Variants in ADK observed in about 807,000 individuals in gnomAD.
ADK encodes the protein N6,N6-dimethyladenosine kinase.
ADK carries 24 observed loss-of-function variants against 44.7 expected under a neutral mutation model. That is an observed-to-expected ratio of 0.54 (90% confidence interval 0.39 to 0.76). The LOEUF (loss-of-function observed/expected upper bound fraction) is 0.76. Ranked by LOEUF, ADK falls within the 30% of genes least tolerant of loss-of-function variation. The pLI is 0.00. For missense variants in ADK, 321 were observed against 425.1 expected (o/e 0.76, Z 2.15); for synonymous variants, 128 against 142.6 (o/e 0.90, Z 0.73).
chr10:74,265,433 C>A (rs530875051), intron 3 of ADK, among the ~76,000 whole-genome samples: 6 of 152,086 alleles, frequency 3.9e-5, no homozygotes, highest in Non-Finnish European at 7.4e-5. Context: ...CCAAGATGGT[C>A]TCAATCTCCT....
At chr10:74,686,778 G>T (rs1459933812) in intron 10 of ADK, among the ~76,000 whole-genome samples, 1 of 152,112 alleles carries the variant, frequency 6.6e-6, no homozygotes, top group East Asian at 1.9e-4. Context: ...TCGGGTTCAA[G>T]CGATTACCCT....
rs1470575096 is a variant in ADK, at chr10:74,200,780, G to T, written c.82G>T (p.Gly28Ter). The part of the protein sequence containing the change: ...PQALRENILF[G>*]MGNPLLDISA... ...TTTTTTTAGAGAAAATATTCTCTTTGGAATGGGAAATCCTCTGCTTGACAT... is the reference window on the plus strand; with the variant it reads ...TTTTTTTAGAGAAAATATTCTCTTTTGAATGGGAAATCCTCTGCTTGACAT... The change falls in exon 2 of 11, where the codon GGA (glycine) becomes TGA (stop). Residue 28 changes from glycine (G) to a stop codon, truncating the protein, a stop_gained. Transcript: ENST00000539909. LOFTEE classifies it high-confidence loss of function. The T allele has an allele frequency of 6.2e-7, 1 of 1,610,506 alleles. No individual in the cohort carries two copies. The highest frequency in any genetic ancestry group is 2.2e-5 in the East Asian group (1 of 44,758).
At chr10:74,507,441 C>T (rs530385138) in intron 6 of ADK, among the ~76,000 whole-genome samples, 1 of 152,032 alleles carries the variant, frequency 6.6e-6, no homozygotes, top group African/African-American at 2.4e-5. Flanking sequence ...GGTAAAACCC[C>T]ATCTCTACAA....
intron 9 of ADK, among the ~76,000 whole-genome samples, chr10:74,619,010 CTT>C (rs1491412660): frequency 1.4e-4 from 15 of 108,932 alleles, no homozygotes; most frequent in African/African-American, 3.5e-4. Context: ...CTTTTATGCT[CTT>C]TGTGTGTGTG....
At chr10:74,406,498 C>A in intron 6 of ADK, among the ~76,000 whole-genome samples, 1 of 136,166 alleles carries the variant, frequency 7.3e-6, no homozygotes, top group East Asian at 2.1e-4. Flanking sequence ...CTTTGGGACT[C>A]CGATTAAAAT....
intron 3 of ADK, among the ~76,000 whole-genome samples, chr10:74,285,097 C>T (rs1347719415): frequency 1.3e-5 from 2 of 151,862 alleles, no homozygotes; most frequent in African/African-American, 4.8e-5. Context: ...TACAGATGAG[C>T]AGCCATTCTC....
intron 7 of ADK, among the ~76,000 whole-genome samples, chr10:74,580,304 G>A (rs946415327): frequency 8.5e-5 from 13 of 152,164 alleles, no homozygotes; most frequent in South Asian, 4.2e-4. Flanking sequence ...GGCCAGGCAC[G>A]GTGGCTCACA....
intron 3 of ADK, among the ~76,000 whole-genome samples, chr10:74,312,239 A>G (rs1423129712): frequency 6.6e-6 from 1 of 152,172 alleles, no homozygotes; most frequent in Non-Finnish European, 1.5e-5. Flanking sequence ...GCAAAAAACC[A>G]AGAACGGCCA....
intron 4 of ADK, among the ~76,000 whole-genome samples, chr10:74,384,953 G>A (rs955936633): frequency 2.6e-5 from 4 of 152,066 alleles, no homozygotes; most frequent in African/African-American, 7.2e-5. Context: ...AAAATGCAGT[G>A]GATTGGAGAA....
chr10:74,311,324 A>C (rs189045223), intron 3 of ADK, among the ~76,000 whole-genome samples: 21 of 152,330 alleles, frequency 1.4e-4, no homozygotes, highest in African/African-American at 4.1e-4. Context: ...GAAGCAACAC[A>C]TACACATAGT....
intron 7 of ADK, among the ~76,000 whole-genome samples, chr10:74,563,824 G>T (rs1850547173): frequency 1.3e-5 from 2 of 152,216 alleles, no homozygotes; most frequent in South Asian, 4.2e-4. Context: ...AAAACAACCT[G>T]TTTTACTTAT....
intron 3 of ADK, among the ~76,000 whole-genome samples, chr10:74,263,092 AT>A (rs1187499674): frequency 2.0e-5 from 3 of 152,198 alleles, no homozygotes; most frequent in African/African-American, 7.2e-5. Flanking sequence ...TCCATGAATT[AT>A]CCCACAGGTA....
intron 6 of ADK, among the ~76,000 whole-genome samples, chr10:74,479,378 C>G (rs1318316793): frequency 6.6e-6 from 1 of 150,458 alleles, no homozygotes; most frequent in Admixed American, 6.6e-5. Flanking sequence ...CTCTTTTAGC[C>G]ACTTTGTTTT....
chr10:74,621,646 G>A (rs143943280), intron 9 of ADK, among the ~76,000 whole-genome samples: 13 of 152,122 alleles, frequency 8.5e-5, no homozygotes, highest in South Asian at 4.2e-4. Context: ...TTGAATTGGC[G>A]GATCACTTTG....
chr10:74,232,693 T>C (rs927430406), intron 3 of ADK, among the ~76,000 whole-genome samples: 10 of 152,088 alleles, frequency 6.6e-5, no homozygotes, highest in Non-Finnish European at 7.4e-5. Flanking sequence ...TGGCACAATC[T>C]TAGCTCACTG....
At chr10:74,170,925 C>G (rs539727559) in intron 1 of ADK, among the ~76,000 whole-genome samples, 2 of 151,722 alleles carry the variant, frequency 1.3e-5, no homozygotes, top group African/African-American at 4.8e-5. Context: ...ATGCATAATC[C>G]TACTTTCCAG....
chr10:74,312,914 C>CAAAAAA (rs56052959), intron 3 of ADK, among the ~76,000 whole-genome samples: 12,618 of 37,768 alleles, frequency 0.33, 4,130 homozygotes, highest in Non-Finnish European at 0.43. Context: ...ATTCTGTCTC[C>CAAAAAA]AAAAAAAAAA....
intron 6 of ADK, among the ~76,000 whole-genome samples, chr10:74,491,644 A>C (rs568438477): frequency 1.3e-5 from 2 of 152,294 alleles, no homozygotes; most frequent in East Asian, 3.9e-4. Flanking sequence ...AGAGCAGCTA[A>C]ATTTTGTTAT....
chr10:74,271,315 C>T (rs1846419759), intron 3 of ADK, among the ~76,000 whole-genome samples: 1 of 152,016 alleles, frequency 6.6e-6, no homozygotes, highest in Admixed American at 6.6e-5. Context: ...GTTGATTAAG[C>T]ATTTAACTTA....
Sources: gnomAD v4.1 joint callset for allele counts (sites outside exome capture counted in the v4.1 genomes callset) on GRCh38, gnomAD v4.1.1 for gene constraint, MANE v1.5 for transcripts, NCBI Gene and HGNC (gene_info 2026-07-23, HGNC 2026-07-21) for gene names.